PTDSS2: variants seen among roughly 807,000 people sequenced by gnomAD.
PTDSS2 encodes the protein phosphatidylserine synthase 2.
PTDSS2 carries 41 observed loss-of-function variants against 64.7 expected under a neutral mutation model. The observed-to-expected ratio is 0.63, with a 90% CI of 0.49 to 0.82. PTDSS2 has a LOEUF of 0.82. Among genes scored for constraint, PTDSS2 ranks in the 40% least tolerant of loss-of-function variants. The probability of loss-of-function intolerance (pLI) is 0.00; values close to 1 mark genes in which losing one functional copy is unlikely to be tolerated. For missense variants in PTDSS2, 485 were observed against 650.0 expected, an observed-to-expected ratio of 0.75 and a Z score of 2.76; for synonymous variants, 297 against 277.8, an observed-to-expected ratio of 1.07 and a Z score of -0.69.
chr11:450,690 T>TCCGGCACCGCTGGCCTGGGGGTC (rs1411108209), intron 1 of PTDSS2, 53 bp downstream of exon 1: 145 of 1,230,666 alleles, frequency 1.2e-4, no homozygotes, highest in Non-Finnish European at 1.4e-4. Context: ...ACCTGGGGGT[T>TCCGGCACCGCTGGCCTGGGGGTC]CCGGCACCGC....
Position 450,460 on chromosome 11 carries a change from G to C in PTDSS2, c.5G>C (p.Arg2Pro). 3 of 1,228,714 alleles carry C rather than the reference G, an allele frequency of 2.4e-6. No individual in the cohort carries two copies. Among genetic ancestry groups the C allele is most frequent in the Non-Finnish European group, 3.1e-6 (3 of 982,928 alleles). 76.1% of individuals were successfully genotyped at this position (1,228,714 alleles called of 1,614,324 possible). The stretch of plus-strand genomic sequence containing the variant: ...GTGGCTCCGGGCCGAAACGCCATGC[G>C]GAGGGGCGAGCGCAGGGACGCCGGA... M[R>P]RGERRDAGGP... is the part of the protein sequence containing the mutation. The change falls in exon 1 of 12, where the codon CGG becomes CCG. Residue 2 changes from arginine (R) to proline (P), a missense_variant. Coordinates refer to ENST00000308020, the MANE Select transcript of PTDSS2 (RefSeq NM_030783.3).
At position 479,295 on chromosome 11, in the gene PTDSS2, C is replaced by CG; in HGVS notation, c.435+149dup. ...GACCCCCACAAAGTAGGCCGAGCTG[C>CG]GGGGGGTCTCCAGGAGCATCTGTGC... is the stretch of plus-strand genomic sequence containing the variant. On this transcript the variant is annotated intron_variant, in intron 4 of 11. Coordinates refer to ENST00000308020, the MANE Select transcript of PTDSS2 (RefSeq NM_030783.3). The surrounding 1 kb of genome is among the most constrained non-coding windows in gnomAD (Gnocchi z 4.2). The CG allele has an allele frequency of 1.3e-6, 1 of 769,724 alleles. No individual in the cohort carries two copies. The highest frequency in any genetic ancestry group is 2.3e-6 in the Non-Finnish European group (1 of 431,530). The allele number at this position is 769,724 out of a possible 1,614,324, so 47.7% of individuals were successfully genotyped here. A position where few individuals can be genotyped will look rare whatever the true frequency, so the allele number is the denominator to read the frequency against.
At chr11:471,815 C>T (rs1234910085) in intron 2 of PTDSS2, among the ~76,000 whole-genome samples, 15 of 122,274 alleles carry the variant, frequency 1.2e-4, no homozygotes, top group Non-Finnish European at 2.1e-4. Flanking sequence ...ACGTGGATGG[C>T]GGCCTGGGGT....
intron 10 of PTDSS2, 68 bp downstream of exon 10, chr11:489,801 G>A: frequency 6.4e-7 from 1 of 1,560,632 alleles, no homozygotes; most frequent in Non-Finnish European, 8.7e-7. Flanking sequence ...GGGGAGCAGA[G>A]CCTGGGAGGC....
intron 4 of PTDSS2, among the ~76,000 whole-genome samples, chr11:483,856 G>A (rs142843916): frequency 1.5e-3 from 226 of 152,248 alleles, no homozygotes; most frequent in Non-Finnish European, 2.6e-3. Flanking sequence ...GTGAAGGCGC[G>A]CACTGGCACC....
At chr11:457,178 G>C (rs1452311733) in intron 1 of PTDSS2, among the ~76,000 whole-genome samples, 1 of 152,230 alleles carries the variant, frequency 6.6e-6, no homozygotes, top group Non-Finnish European at 1.5e-5. Flanking sequence ...CAGTCCTGCA[G>C]CTCCACCCTG....
intron 2 of PTDSS2, among the ~76,000 whole-genome samples, chr11:467,512 C>T (rs1847196135): frequency 6.6e-6 from 1 of 152,154 alleles, no homozygotes; most frequent in South Asian, 2.1e-4. Context: ...CATCCCAGCA[C>T]TTTGGGAGGC....
Position 489,619 on chromosome 11 carries a change from TGA to T in PTDSS2, c.1002_1003del (p.Lys335ValfsTer29). The T allele has an allele frequency of 1.3e-6, 2 of 1,595,004 alleles. No homozygotes were observed. Among genetic ancestry groups the T allele is most frequent in the Non-Finnish European group, 1.7e-6 (2 of 1,170,698 alleles). Reference sequence around the variant, plus strand: ...TTGGCAGAACTGAACACGTTCTACCTGAAGTTTGTGCTGTGGATGCCCCCGGA... The same window carrying T: ...TTGGCAGAACTGAACACGTTCTACCTAGTTTGTGCTGTGGATGCCCCCGGA... On this transcript the variant is annotated frameshift_variant, in exon 10 of 12. Coordinates refer to ENST00000308020, the MANE Select transcript of PTDSS2 (RefSeq NM_030783.3). LOFTEE classifies it high-confidence loss of function.
At chr11:478,919 G>A (rs1462481254) in intron 3 of PTDSS2, among the ~76,000 whole-genome samples, 166 bp from the exon 4 acceptor site, 1 of 152,196 alleles carries the variant, frequency 6.6e-6, no homozygotes, top group Non-Finnish European at 1.5e-5. Context: ...GAGAGAAATT[G>A]TGCCTAATTC....
rs74405666 is a variant in PTDSS2 at position 469,583 on chromosome 11, A to G, written c.285-4312A>G. The stretch of plus-strand genomic sequence containing the variant: ...GTTGGAGTGGCCGCTGTGATGGTGG[A>G]TTACCATTGCACGTTTAGCCCAGAA... On this transcript the variant is annotated intron_variant, in intron 2 of 11. Transcript: ENST00000308020. 6.1e-3 allele frequency among the ~76,000 whole-genome samples: 929 copies of G among 152,202 alleles called. 14 individuals carry two copies. The highest frequency in any genetic ancestry group is 0.021 in the African/African-American group (887 of 41,502).
At chr11:467,484 G>A (rs570483286) in intron 2 of PTDSS2, among the ~76,000 whole-genome samples, 11 of 152,336 alleles carry the variant, frequency 7.2e-5, no homozygotes, top group Non-Finnish European at 7.3e-5. Context: ...TGGGCTGGAC[G>A]TGGTGGTTCA....
At chr11:467,710 G>A (rs111228863) in intron 2 of PTDSS2, among the ~76,000 whole-genome samples, 3,097 of 152,254 alleles carry the variant, frequency 0.02, 44 homozygotes, top group Non-Finnish European at 0.034. Flanking sequence ...TCCAGCCCGG[G>A]CAACAGTGCG....
intron 1 of PTDSS2, chr11:459,841 A>T (rs1233427710): frequency 7.2e-6 from 2 of 276,666 alleles, no homozygotes; most frequent in Non-Finnish European, 7.1e-6. Flanking sequence ...TGTCTTGCGC[A>T]GTGAAAAGCG....
At position 476,771 on chromosome 11, in the gene PTDSS2, G is replaced by C. The variant is rs1173188824; in HGVS notation, c.368-2314G>C. Among the ~76,000 whole-genome samples, 1 of 152,216 alleles carries C rather than the reference G, an allele frequency of 6.6e-6. No homozygotes were observed. Among genetic ancestry groups the C allele is most frequent in the South Asian group, 2.1e-4 (1 of 4,828 alleles). ...TCGTCCCCTCCCACTGGGCAGGACT[G>C]GGGGTTCCTGGGGTGTTCAGTTTTT... is the stretch of plus-strand genomic sequence containing the variant. On this transcript the variant is annotated intron_variant, in intron 3 of 11. Coordinates refer to ENST00000308020, the MANE Select transcript of PTDSS2 (RefSeq NM_030783.3). The surrounding 1 kb of genome is among the most constrained non-coding windows in gnomAD (Gnocchi z 4.9).
chr11:473,770 C>G (rs897046932), intron 2 of PTDSS2, 125 bp from the exon 3 acceptor site: 1 of 777,372 alleles, frequency 1.3e-6, no homozygotes. Context: ...TGCCCGAGGC[C>G]CCTTCCTCCC....
At chr11:472,972 G>GCACGA (rs1847547544) in intron 2 of PTDSS2, among the ~76,000 whole-genome samples, 1 of 152,348 alleles carries the variant, frequency 6.6e-6, no homozygotes, top group South Asian at 2.1e-4. Flanking sequence ...CAGACCCTGA[G>GCACGA]CTGAGCACGA....
chr11:475,342 G>A (rs189634057), intron 3 of PTDSS2, among the ~76,000 whole-genome samples: 5 of 150,488 alleles, frequency 3.3e-5, no homozygotes, highest in Admixed American at 1.3e-4. Flanking sequence ...ACATTCACGC[G>A]TTTGTGTGTA....
At position 488,127 on chromosome 11, in the gene PTDSS2, G is replaced by C. The variant is rs189299861; in HGVS notation, c.622-72G>C. 2,624 of 1,151,026 alleles carry C rather than the reference G, an allele frequency of 2.3e-3. 8 individuals carry two copies. Among genetic ancestry groups the C allele is most frequent in the Non-Finnish European group, 3.2e-3 (2,447 of 771,748 alleles). The allele number at this position is 1,151,026 out of a possible 1,614,324, so 71.3% of individuals were successfully genotyped here. On this transcript the variant is annotated intron_variant, in intron 6 of 11. Transcript: ENST00000308020. The stretch of plus-strand genomic sequence containing the variant: ...TACTCTGGCTGCCAGCCGGGGTGGG[G>C]GCTGCACGCACCCGTGGGCAGGGCC...
chr11:488,515 G>A lies in PTDSS2; in HGVS notation c.736-14G>A, dbSNP rs754315844. Reference sequence around the variant, plus strand: ...CCCCTCACCCCTGCAACGAGTGCTGGCCCCTCCCTGCAGTGGATCATGGAC... The same window carrying A: ...CCCCTCACCCCTGCAACGAGTGCTGACCCCTCCCTGCAGTGGATCATGGAC... On this transcript the variant is annotated splice_polypyrimidine_tract_variant and intron_variant, in intron 7 of 11. Transcript: ENST00000308020. 1 of 1,604,440 alleles carries A rather than the reference G, an allele frequency of 6.2e-7. No individual in the cohort carries two copies. The highest frequency in any genetic ancestry group is 8.5e-7 in the Non-Finnish European group (1 of 1,171,920).
Sources: allele counts gnomAD v4.1 joint callset (sites outside exome capture counted in the v4.1 genomes callset), GRCh38; gene constraint gnomAD v4.1.1; non-coding constraint Gnocchi (gnomAD v3.1); transcripts MANE v1.5; gene names NCBI Gene and HGNC (gene_info 2026-07-23, HGNC 2026-07-21).